BBS1: variants seen among roughly 807,000 people sequenced by gnomAD.
BBS1 encodes Bardet-Biedl syndrome 1.
BBS1 carries 60 observed loss-of-function variants against 73.9 expected under a neutral mutation model. That is an observed-to-expected ratio of 0.81 (90% CI 0.66 to 1.01). The LOEUF is 1.01. Ranked by LOEUF, BBS1 falls within the 50% of genes least tolerant of loss-of-function variation. BBS1 has a pLI of 0.00. For synonymous variants in BBS1, 283 were observed against 317.4 expected, an observed-to-expected ratio of 0.89 and a Z score of 1.15; for missense variants, 718 against 770.3, an observed-to-expected ratio of 0.93 and a Z score of 0.80.
intron 9 of BBS1, chr11:66,522,955 T>G: frequency 2.8e-6 from 1 of 359,622 alleles, no homozygotes; most frequent in Non-Finnish European, 5.5e-6. Flanking sequence ...GTAGGCCAAC[T>G]CAAAGTGGGA....
At chr11:66,518,213 T>C (rs1363453675) in intron 7 of BBS1, among the ~76,000 whole-genome samples, 4 of 152,012 alleles carry the variant, frequency 2.6e-5, no homozygotes, top group Non-Finnish European at 5.9e-5. Context: ...CACCTCGGCC[T>C]CCCAAAGTGC....
chr11:66,512,040 ATGTATATATATG>A (rs1158813085), intron 3 of BBS1, among the ~76,000 whole-genome samples: 1 of 147,148 alleles, frequency 6.8e-6, no homozygotes. Flanking sequence ...ATGTATATAT[ATGTATATATATG>A]TGTATATATA....
At chr11:66,519,591 G>A in intron 7 of BBS1, 26 bp from the exon 8 acceptor site, 1 of 1,613,204 alleles carries the variant, frequency 6.2e-7, no homozygotes, top group African/African-American at 1.3e-5. Context: ...GAGGTTCCCT[G>A]GGTGACCCCT....
chr11:66,519,769 T>C (rs1486418386), intron 8 of BBS1, 21 bp downstream of exon 8: 2 of 1,611,860 alleles, frequency 1.2e-6, no homozygotes, highest in Non-Finnish European at 8.5e-7. Context: ...GGTCTGGCCC[T>C]GGGCCCGCTG....
At chr11:66,522,249 T>C (rs1187914887) in intron 9 of BBS1, among the ~76,000 whole-genome samples, 5 of 148,510 alleles carry the variant, frequency 3.4e-5, no homozygotes, top group Non-Finnish European at 5.9e-5. Context: ...TGGGAAGAAA[T>C]AAAAAAAAAT....
rs1174536049 is a variant in BBS1 at position 66,519,675 on chromosome 11, C to T, written c.650C>T (p.Ser217Phe). 1.7e-5 allele frequency: 28 copies of T among 1,613,922 alleles called. No homozygotes were observed. The highest frequency in any genetic ancestry group is 2.2e-5 in the Non-Finnish European group (26 of 1,179,982). Reference protein sequence around the residue: ...KKNLADEDAVSCLVLGTENKE... With the variant: ...KKNLADEDAVFCLVLGTENKE... ...AACCTGGCTGACGAGGATGCTGTGT[C>T]TTGCCTGGTGCTGGGCACCGAGAAC... Residue 217 changes from serine (S) to phenylalanine (F), a missense_variant, in exon 8 of 17, where the codon TCT (serine) becomes TTT (phenylalanine). Coordinates refer to ENST00000318312, the MANE Select transcript of BBS1 (RefSeq NM_024649.5).
Position 66,511,221 on chromosome 11 carries a change from T to C in BBS1, c.141T>C (p.His47=). The C allele has an allele frequency of 6.2e-7, 1 of 1,613,888 alleles. No individual in the cohort carries two copies. The highest frequency in any genetic ancestry group is 8.5e-7 in the Non-Finnish European group (1 of 1,179,994). ...FSACLALADL[H]GDGEYKLVVG... ...GTTTTCCAGCGCTGGCAGATTTACA[T>C]GGGGATGGGGAATACAAGGTAAGCA... Residue 47 remains histidine (H), a synonymous_variant, in exon 3 of 17, where the codon CAT becomes CAC. Coordinates refer to ENST00000318312, the MANE Select transcript of BBS1 (RefSeq NM_024649.5).
chr11:66,512,772 G>T (rs1355109151), intron 3 of BBS1, among the ~76,000 whole-genome samples: 2 of 152,050 alleles, frequency 1.3e-5, no homozygotes, highest in Non-Finnish European at 2.9e-5. Flanking sequence ...AGGAGTTTGA[G>T]ACCAGCCTGG....
intron 13 of BBS1, among the ~76,000 whole-genome samples, chr11:66,528,864 AGGCTG>A (rs1856631374): frequency 6.8e-6 from 1 of 147,484 alleles, no homozygotes. Context: ...GCTACTCGGG[AGGCTG>A]AGGCAGGAGA....
chr11:66,527,309 TC>T (rs1441555515), intron 13 of BBS1, among the ~76,000 whole-genome samples: 2 of 152,156 alleles, frequency 1.3e-5, no homozygotes, highest in African/African-American at 4.8e-5. Flanking sequence ...CATTCATCGT[TC>T]GTTCATTCAT....
chr11:66,513,804 A>G (rs991716994), intron 3 of BBS1, among the ~76,000 whole-genome samples: 1 of 152,214 alleles, frequency 6.6e-6, no homozygotes, highest in Non-Finnish European at 1.5e-5. Flanking sequence ...TGGCCGGAGC[A>G]CAGCAATGGG....
chr11:66,528,121 C>CAGG (rs1219488832), intron 13 of BBS1, among the ~76,000 whole-genome samples: 1 of 152,108 alleles, frequency 6.6e-6, no homozygotes, highest in Non-Finnish European at 1.5e-5. Context: ...TCTCCTTAGG[C>CAGG]AGGAGAATCA....
Position 66,523,777 on chromosome 11 carries a change from C to A in BBS1, c.1005C>A (p.Leu335=). Residue 335 remains leucine, a synonymous_variant, in exon 11 of 17, where the codon CTC becomes CTA. Coordinates refer to ENST00000318312, the MANE Select transcript of BBS1 (RefSeq NM_024649.5). The part of the protein sequence containing the change: ...QMPAAILTMN[L]LEQHSRGLQA... ...CCGCAGCCATCCTGACCATGAACCT[C>A]CTGGAGCAGCATTCCCGGGGCCTGC... The A allele has an allele frequency of 6.2e-7, 1 of 1,613,372 alleles. No homozygotes were observed. Among genetic ancestry groups the A allele is most frequent in the Non-Finnish European group, 8.5e-7 (1 of 1,180,032 alleles).
intron 13 of BBS1, among the ~76,000 whole-genome samples, chr11:66,527,278 C>T (rs1352240154): frequency 6.6e-6 from 1 of 151,166 alleles, no homozygotes; most frequent in African/African-American, 2.4e-5. Flanking sequence ...CCAGTTTTTC[C>T]TGCCCGTTTA....
At chr11:66,528,092 T>A (rs1856598721) in intron 13 of BBS1, among the ~76,000 whole-genome samples, 1 of 152,118 alleles carries the variant, frequency 6.6e-6, no homozygotes, top group Non-Finnish European at 1.5e-5. Flanking sequence ...TAGCTGGGCA[T>A]GGTGGCACAC....
At chr11:66,525,487 C>T (rs1331738257) in intron 11 of BBS1, among the ~76,000 whole-genome samples, 3 of 151,910 alleles carry the variant, frequency 2.0e-5, no homozygotes, top group Non-Finnish European at 2.9e-5. Context: ...CACTTGAACC[C>T]AGGAGGCAGA....
intron 9 of BBS1, among the ~76,000 whole-genome samples, chr11:66,522,212 T>C (rs2134789244): frequency 6.7e-6 from 1 of 149,954 alleles, no homozygotes; most frequent in South Asian, 2.1e-4. Flanking sequence ...CGAGACTCTG[T>C]CTCAAAAAAA....
At chr11:66,530,827 A>AGC in intron 14 of BBS1, 67 bp from the exon 15 acceptor site, 1 of 1,605,548 alleles carries the variant, frequency 6.2e-7, no homozygotes, top group Non-Finnish European at 8.5e-7. Flanking sequence ...AGGCAGGCAG[A>AGC]GCACACTGTA....
chr11:66,524,551 C>T (rs1182384096), intron 11 of BBS1, among the ~76,000 whole-genome samples: 1 of 152,062 alleles, frequency 6.6e-6, no homozygotes, highest in African/African-American at 2.4e-5. Flanking sequence ...TTCAACTGGG[C>T]CTCAGAACAG....
Sources: gnomAD v4.1 joint callset for allele counts (sites outside exome capture counted in the v4.1 genomes callset) on GRCh38, gnomAD v4.1.1 for gene constraint, MANE v1.5 for transcripts, NCBI Gene and HGNC (gene_info 2026-07-23, HGNC 2026-07-21) for gene names.